The following ZNF214 variants were observed in gnomAD, a reference collection of about 807,000 sequenced individuals.
ZNF214 encodes BWSCR2-associated zinc finger protein 1.
ZNF214 carries 43 observed loss-of-function variants against 53.9 expected under a neutral mutation model. The ratio of observed to expected loss-of-function variants is 0.80; its 90% CI spans 0.63 to 1.03. The LOEUF (loss-of-function observed/expected upper bound fraction) is 1.03. Among genes scored for constraint, ZNF214 ranks in the 50% least tolerant of loss-of-function variants. ZNF214 has a pLI of 0.00. For missense variants in ZNF214, 724 were observed against 719.1 expected (o/e 1.01, Z -0.08); for synonymous variants, 217 against 229.5 (o/e 0.95, Z 0.49).
intron 1 of ZNF214, among the ~76,000 whole-genome samples, chr11:7,019,483 A>G (rs1851859265): frequency 6.6e-6 from 1 of 152,226 alleles, no homozygotes; most frequent in East Asian, 1.9e-4. Context: ...CAGTTTAAGT[A>G]GAAAATCATT....
Position 7,001,390 on chromosome 11 carries a change from TG to T in ZNF214, c.292del (p.Gln98LysfsTer10). 1 of 1,613,286 alleles carries T rather than the reference TG, an allele frequency of 6.2e-7. No individual in the cohort carries two copies. ...QGTDSKDLTQ[Q>X]DRSQCQEWLI... ...CCATTCCTGACACTGGGAACGATCT[TG>T]CTGTGTGAGGTCTTTGGAATCTGTC... On this transcript the variant is annotated frameshift_variant, in exon 3 of 3. Transcript: ENST00000278314. LOFTEE classifies it high-confidence loss of function.
chr11:7,001,955 A>G (rs1351928162), intron 2 of ZNF214, among the ~76,000 whole-genome samples: 1 of 152,028 alleles, frequency 6.6e-6, no homozygotes, highest in East Asian at 1.9e-4. Flanking sequence ...CTGTTCTAGA[A>G]TAGCATGGTA....
At chr11:7,019,024 A>G (rs986206037) in intron 1 of ZNF214, among the ~76,000 whole-genome samples, 2 of 152,130 alleles carry the variant, frequency 1.3e-5, no homozygotes, top group Admixed American at 6.5e-5. Flanking sequence ...TGGAGAATGC[A>G]GGGACATTTT....
At chr11:7,008,719 T>A (rs1157954059) in intron 1 of ZNF214, among the ~76,000 whole-genome samples, 1 of 152,128 alleles carries the variant, frequency 6.6e-6, no homozygotes, top group African/African-American at 2.4e-5. Context: ...CTTTAGCTAA[T>A]AAACAACTTC....
At chr11:7,020,022 C>G (rs1302707652) in intron 1 of ZNF214, 51 bp downstream of exon 1, 1 of 152,466 alleles carries the variant, frequency 6.6e-6, no homozygotes, top group Non-Finnish European at 1.5e-5. Context: ...GCACCGAACA[C>G]CGGGCACCCA....
chr11:7,002,854 TTC>T lies in ZNF214; in HGVS notation c.-20-1_-20del. The T allele has an allele frequency of 6.3e-7, 1 of 1,576,524 alleles. No individual in the cohort carries two copies. The highest frequency in any genetic ancestry group is 1.2e-5 in the South Asian group (1 of 84,366). On this transcript the variant is annotated splice_acceptor_variant and 5_prime_UTR_variant, in exon 2 of 3. Transcript: ENST00000278314. LOFTEE classifies it low-confidence loss of function (5UTR_SPLICE). ...CTGCCATCTGGTCAAAGATCAGGCT[TTC>T]TAGGAAAAAGAAATCTAAGTGAGAA...
chr11:7,000,082 C>A lies in ZNF214; in HGVS notation c.1601G>T (p.Gly534Val). 6.2e-7 allele frequency: 1 copy of A among 1,613,324 alleles called. No individual in the cohort carries two copies. Among genetic ancestry groups the A allele is most frequent in the South Asian group, 1.1e-5 (1 of 91,058 alleles). Reference protein sequence around the residue: ...KPYKCHDCGKGFSHSSNLHIH... With the variant: ...KPYKCHDCGKVFSHSSNLHIH... ...GTGAAGATTAGAACTGTGACTAAAA[C>A]CCTTTCCACAATCATGACATTTATA... Residue 534 changes from glycine (G) to valine (V), a missense_variant, in exon 3 of 3, where the codon GGT (glycine) becomes GTT (valine). Transcript: ENST00000278314.
intron 1 of ZNF214, among the ~76,000 whole-genome samples, chr11:7,006,875 T>A (rs879892148): frequency 4.9e-4 from 74 of 151,986 alleles, no homozygotes; most frequent in Non-Finnish European, 6.0e-4. Context: ...ACTTACCTAT[T>A]TTTCTAATAA....
At position 6,999,868 on chromosome 11, in the gene ZNF214, G is replaced by A. The variant is rs1240620712; in HGVS notation, c.1815C>T (p.Asn605=). The A allele has an allele frequency of 6.2e-7, 1 of 1,601,578 alleles. No individual in the cohort carries two copies. The highest frequency in any genetic ancestry group is 1.1e-5 in the South Asian group (1 of 89,834). The change falls in exon 3 of 3, where the codon AAC becomes AAT. Residue 605 remains asparagine, a synonymous_variant. Coordinates refer to ENST00000278314, the MANE Select transcript of ZNF214 (RefSeq NM_013249.4). ...TTAACTAAATGAACAATATTTATAA[G>A]TTTCCTCTTCTATGATTATTGTGAA... ...SHLHNNHRRG[N]L
intron 1 of ZNF214, among the ~76,000 whole-genome samples, chr11:7,015,375 C>T (rs1318995369): frequency 1.3e-5 from 2 of 151,958 alleles, no homozygotes; most frequent in African/African-American, 2.4e-5. Context: ...GTCAGGAGTT[C>T]GAGACTAGCC....
In ZNF214 at chr11:7,000,541, G is replaced by A. The variant is rs1851309602; in HGVS notation, c.1142C>T (p.Thr381Ile). The change falls in exon 3 of 3, where the codon ACA (threonine) becomes ATA (isoleucine). Residue 381 changes from threonine (T) to isoleucine (I), a missense_variant. Transcript: ENST00000278314. ...SVLHVHQRVH[T>I]GEKPYKCDEC... is the part of the protein sequence containing the mutation. The stretch of plus-strand genomic sequence containing the variant: ...ATCACACTTATATGGTTTTTCTCCT[G>A]TGTGGACTCTCTGATGAACATGAAG... 1 of 1,612,086 alleles carries A rather than the reference G, an allele frequency of 6.2e-7. No individual in the cohort carries two copies. The highest frequency in any genetic ancestry group is 2.2e-5 in the East Asian group (1 of 44,858).
At chr11:7,003,322 T>C (rs553511582) in intron 1 of ZNF214, among the ~76,000 whole-genome samples, 27 of 152,122 alleles carry the variant, frequency 1.8e-4, no homozygotes, top group Non-Finnish European at 2.9e-4. Flanking sequence ...ATTTAAAATA[T>C]TGAGTACCTA....
In ZNF214 at chr11:6,999,920, T is replaced by A. The variant is rs746564295; in HGVS notation, c.1763A>T (p.Tyr588Phe). The A allele has an allele frequency of 2.4e-5, 38 of 1,612,512 alleles. No homozygotes were observed. ...ATGTGAATTATGATCAAATCCCTTA[T>A]AATATTCACGGCATTTGTAAGGTTT... Reference protein sequence around the residue: ...GEKPYKCREYYKGFDHNSHLH... With the variant: ...GEKPYKCREYFKGFDHNSHLH... Residue 588 changes from tyrosine (Y) to phenylalanine (F), a missense_variant, in exon 3 of 3, where the codon TAT becomes TTT. Tyr to Phe is a conservative substitution (Grantham distance 22). Transcript: ENST00000278314.
chr11:7,017,134 G>A (rs184068513), intron 1 of ZNF214, among the ~76,000 whole-genome samples: 50 of 152,228 alleles, frequency 3.3e-4, no homozygotes, highest in African/African-American at 1.1e-3. Context: ...GGAATATAAA[G>A]AGTCAACGAA....
intron 2 of ZNF214, among the ~76,000 whole-genome samples, chr11:7,002,274 T>G (rs754754055): frequency 6.6e-5 from 10 of 151,956 alleles, no homozygotes; most frequent in Non-Finnish European, 1.5e-4. Context: ...AGCTTAATCT[T>G]AGACCATTCA....
chr11:7,008,482 A>G (rs1008713846), intron 1 of ZNF214, among the ~76,000 whole-genome samples: 7 of 151,758 alleles, frequency 4.6e-5, no homozygotes, highest in Non-Finnish European at 8.8e-5. Flanking sequence ...CTAACATCAT[A>G]CTGAATAGGT....
At position 6,999,804 on chromosome 11, in the gene ZNF214, TA is replaced by T. The variant is rs1039053245; in HGVS notation, c.*57del. On this transcript the variant is annotated 3_prime_UTR_variant, in exon 3 of 3. Coordinates refer to ENST00000278314, the MANE Select transcript of ZNF214 (RefSeq NM_013249.4). ...ATAAGATTTCCTTAACAGCAGGATT[TA>T]TAGGGTTTAAAGGTTAGGTAAACTT... is the stretch of plus-strand genomic sequence containing the variant. 2 of 1,498,008 alleles carry T rather than the reference TA, an allele frequency of 1.3e-6. No homozygotes were observed. The highest frequency in any genetic ancestry group is 2.8e-5 in the African/African-American group (2 of 71,420). The allele number at this position is 1,498,008 out of a possible 1,614,324, so 92.8% of individuals were successfully genotyped here. A position where few individuals can be genotyped will look rare whatever the true frequency, so the allele number is the denominator to read the frequency against.
At chr11:7,008,957 CAT>C (rs982276165) in intron 1 of ZNF214, among the ~76,000 whole-genome samples, 5 of 152,002 alleles carry the variant, frequency 3.3e-5, no homozygotes, top group African/African-American at 1.2e-4. Flanking sequence ...AATGGAAAAA[CAT>C]TCTATGCTTA....
chr11:7,001,702 G>T, intron 2 of ZNF214, 147 bp from the exon 3 acceptor site: 1 of 873,340 alleles, frequency 1.1e-6, no homozygotes, highest in Non-Finnish European at 1.7e-6. Flanking sequence ...TGCTCCATTT[G>T]GGTCTGAAAT....
Sources: gnomAD v4.1 joint callset for allele counts (sites outside exome capture counted in the v4.1 genomes callset) on GRCh38, gnomAD v4.1.1 for gene constraint, MANE v1.5 for transcripts, NCBI Gene and HGNC (gene_info 2026-07-23, HGNC 2026-07-21) for gene names.